Variants in ACBD6 observed in about 807,000 individuals in gnomAD.
The protein encoded by ACBD6 is acyl-CoA-binding domain-containing protein 6.
Under a neutral mutation model 37.2 loss-of-function variants are expected in ACBD6, and 28 were observed. That is an observed-to-expected ratio of 0.75 (90% CI 0.56 to 1.03). The LOEUF is 1.03. ACBD6 is among the 50% of genes least tolerant of loss of function. The pLI, the probability that ACBD6 is intolerant of heterozygous loss-of-function variation, is 0.00. For synonymous variants in ACBD6, 113 were observed against 126.8 expected (o/e 0.89, Z 0.73); for missense variants, 340 against 337.4 (o/e 1.01, Z -0.06).
In ACBD6 at chr1:180,420,520, C is replaced by T. The variant is rs372816219; in HGVS notation, c.468-7049G>A. Among the ~76,000 whole-genome samples the T allele has an allele frequency of 7.9e-4, 120 of 152,258 alleles. 1 individual carries two copies. The highest frequency in any genetic ancestry group is 3.4e-3 in the Middle Eastern group (1 of 294). ...AGCCTTAAAGGTCCTTATAACCCCC[C>T]GATCTAGAGGGTGAATTAGAGATGT... On this transcript the variant is annotated intron_variant, in intron 4 of 7. Transcript: ENST00000367595.
intron 5 of ACBD6, among the ~76,000 whole-genome samples, chr1:180,399,920 T>C (rs1191010559): frequency 1.3e-5 from 2 of 152,184 alleles, no homozygotes; most frequent in African/African-American, 2.4e-5. Context: ...GTTAAGACGA[T>C]GTGTGATATA....
At chr1:180,461,873 T>A (rs533004075) in intron 3 of ACBD6, among the ~76,000 whole-genome samples, 2 of 152,070 alleles carry the variant, frequency 1.3e-5, no homozygotes, top group East Asian at 3.9e-4. Flanking sequence ...CATAAACAAG[T>A]CTGCAAAATA....
At chr1:180,349,135 A>ATT (rs1188541238) in intron 6 of ACBD6, among the ~76,000 whole-genome samples, 2 of 151,992 alleles carry the variant, frequency 1.3e-5, no homozygotes, top group East Asian at 3.9e-4. Context: ...TTTTTCTTAT[A>ATT]AAGTCAGCTT....
chr1:180,356,922 TG>T (rs1652653950), intron 6 of ACBD6, among the ~76,000 whole-genome samples: 2 of 151,978 alleles, frequency 1.3e-5, no homozygotes, highest in Non-Finnish European at 2.9e-5. Context: ...TAATTCCTTA[TG>T]GTTACACTTC....
intron 5 of ACBD6, among the ~76,000 whole-genome samples, chr1:180,410,369 T>TG: frequency 6.6e-6 from 1 of 152,238 alleles, no homozygotes; most frequent in East Asian, 1.9e-4. Flanking sequence ...CTCCTACTAT[T>TG]GAAAGAAGAT....
At chr1:180,471,269 C>T (rs1322499042) in intron 3 of ACBD6, among the ~76,000 whole-genome samples, 1 of 151,924 alleles carries the variant, frequency 6.6e-6, no homozygotes, top group Non-Finnish European at 1.5e-5. Flanking sequence ...GGCATGGTAG[C>T]ATGTGGCTGT....
chr1:180,363,945 C>T (rs1208723724), intron 6 of ACBD6, among the ~76,000 whole-genome samples: 3 of 152,052 alleles, frequency 2.0e-5, no homozygotes, highest in Non-Finnish European at 2.9e-5. Flanking sequence ...GGGATTAAGT[C>T]GGCAAGTACT....
chr1:180,475,117 T>C (rs1334472251), intron 3 of ACBD6, among the ~76,000 whole-genome samples: 2 of 152,266 alleles, frequency 1.3e-5, no homozygotes, highest in Non-Finnish European at 2.9e-5. Flanking sequence ...TGAGATAGTT[T>C]TGACAGTGAA....
intron 1 of ACBD6, among the ~76,000 whole-genome samples, chr1:180,501,682 G>A (rs1182073808): frequency 6.6e-6 from 1 of 152,010 alleles, no homozygotes; most frequent in Non-Finnish European, 1.5e-5. Flanking sequence ...TAACTTTACC[G>A]TATTTACTTC....
At chr1:180,465,114 A>G (rs1467378039) in intron 3 of ACBD6, among the ~76,000 whole-genome samples, 2 of 152,096 alleles carry the variant, frequency 1.3e-5, no homozygotes, top group South Asian at 2.1e-4. Flanking sequence ...TCCTGGACAC[A>G]GCAAAGATTT....
intron 6 of ACBD6, among the ~76,000 whole-genome samples, chr1:180,339,641 C>A (rs567769475): frequency 4.6e-4 from 70 of 152,034 alleles, no homozygotes; most frequent in African/African-American, 1.6e-3. Flanking sequence ...TGTGACAAAC[C>A]TGCACGTTGT....
chr1:180,380,648 G>A (rs1484445035), intron 6 of ACBD6, among the ~76,000 whole-genome samples: 2 of 150,974 alleles, frequency 1.3e-5, no homozygotes, highest in Non-Finnish European at 2.9e-5. Context: ...CCTACACCCA[G>A]AAGTGAAACA....
chr1:180,443,053 G>A (rs1649344724), intron 3 of ACBD6, among the ~76,000 whole-genome samples: 1 of 151,732 alleles, frequency 6.6e-6, no homozygotes, highest in Non-Finnish European at 1.5e-5. Context: ...GCAAGGCATT[G>A]TAATAAATTT....
At chr1:180,397,729 T>C in intron 5 of ACBD6, 124 bp from the exon 6 acceptor site, 1 of 853,786 alleles carries the variant, frequency 1.2e-6, no homozygotes, top group Non-Finnish European at 1.9e-6. Context: ...GAATGATTGA[T>C]ATAAAAAATG....
intron 7 of ACBD6, among the ~76,000 whole-genome samples, chr1:180,299,478 A>G (rs1650044999): frequency 6.6e-6 from 1 of 152,196 alleles, no homozygotes; most frequent in Non-Finnish European, 1.5e-5. Flanking sequence ...CAGCCCTGAC[A>G]CTGGCACAGG....
chr1:180,380,876 T>C (rs1158769264), intron 6 of ACBD6, among the ~76,000 whole-genome samples: 2 of 152,116 alleles, frequency 1.3e-5, no homozygotes, highest in African/African-American at 4.8e-5. Context: ...ATATCAATAA[T>C]AACCTTAAAT....
At chr1:180,393,104 G>A (rs1269396313) in intron 6 of ACBD6, among the ~76,000 whole-genome samples, 2 of 152,140 alleles carry the variant, frequency 1.3e-5, no homozygotes, top group African/African-American at 2.4e-5. Context: ...GTGTGCGTGC[G>A]CACGCCCGTA....
intron 7 of ACBD6, among the ~76,000 whole-genome samples, chr1:180,313,563 G>T (rs1048534985): frequency 1.3e-5 from 2 of 152,152 alleles, no homozygotes; most frequent in Non-Finnish European, 2.9e-5. Context: ...AAGTGTCCAG[G>T]GTCATTTGAG....
chr1:180,279,828 T>C (rs898252272), intron 9 of ACBD6, among the ~76,000 whole-genome samples: 1 of 151,840 alleles, frequency 6.6e-6, no homozygotes, highest in South Asian at 2.1e-4. Context: ...ACAGGGACTT[T>C]TTCATTACAT....
Sources: allele counts gnomAD v4.1 joint callset (sites outside exome capture counted in the v4.1 genomes callset), GRCh38; gene constraint gnomAD v4.1.1; transcripts MANE v1.5; gene names NCBI Gene and HGNC (gene_info 2026-07-23, HGNC 2026-07-21).